Variants in RNF150 observed in about 807,000 individuals in gnomAD.
RNF150 encodes the protein ring finger protein 150.
RNF150 carries 24 observed loss-of-function variants against 39.3 expected under a neutral mutation model. That is an observed-to-expected ratio of 0.61 (90% CI 0.44 to 0.86). The LOEUF (loss-of-function observed/expected upper bound fraction) is 0.86, where lower values mean the gene tolerates loss of function less well. Among genes scored for constraint, RNF150 ranks in the 40% least tolerant of loss-of-function variants. RNF150 has a pLI of 0.00. For missense variants in RNF150, 502 were observed against 587.8 expected (o/e 0.85, Z 1.51); for synonymous variants, 255 against 227.3 (o/e 1.12, Z -1.10).
rs1403130897 is a variant in RNF150, at chr4:141,166,975, A to G, written c.-6+45819T>C. Among the ~76,000 whole-genome samples the G allele has an allele frequency of 2.0e-5, 3 of 152,214 alleles. No homozygotes were observed. In the East Asian group the frequency reaches 5.8e-4, roughly 29 times the overall value. On this transcript the variant is annotated intron_variant, in intron 1 of 7. Coordinates refer to the RNF150 transcript ENST00000420921. ...CAGGCAAGAGAAAGAAACAAAGGGT[A>G]TTCAAATAGGAAGAGAGGAAGTCAA...
At chr4:140,873,109 T>C (rs996126574) in intron 6 of RNF150, among the ~76,000 whole-genome samples, 2 of 152,232 alleles carry the variant, frequency 1.3e-5, no homozygotes, top group Admixed American at 1.3e-4. Context: ...TGTTTTGTTT[T>C]GTTTCAAATG....
intron 1 of RNF150, among the ~76,000 whole-genome samples, chr4:141,066,732 TAATATA>T (rs1737476552): frequency 2.0e-5 from 3 of 152,306 alleles, no homozygotes; most frequent in African/African-American, 7.2e-5. Flanking sequence ...TGACGTAAAT[TAATATA>T]AAGTCTGAAT....
intron 1 of RNF150, among the ~76,000 whole-genome samples, chr4:141,167,161 G>A (rs1727619623): frequency 1.3e-5 from 2 of 152,078 alleles, no homozygotes; most frequent in South Asian, 4.1e-4. Flanking sequence ...TAGACAAGCA[G>A]AGAGCCAAAT....
intron 4 of RNF150, among the ~76,000 whole-genome samples, chr4:140,939,351 A>T (rs1174066755): frequency 3.9e-5 from 6 of 152,208 alleles, no homozygotes; most frequent in Admixed American, 2.6e-4. Context: ...GCAAATTTTT[A>T]AAAAAGTAAA....
intron 1 of RNF150, among the ~76,000 whole-genome samples, chr4:141,089,663 G>A (rs1018975058): frequency 3.3e-5 from 5 of 152,132 alleles, no homozygotes; most frequent in East Asian, 1.9e-4. Context: ...CCTTGTAATC[G>A]TGTGAAGGTA....
At position 140,921,928 on chromosome 4, in the gene RNF150, C is replaced by T. The variant is rs1430108686; in HGVS notation, c.987+4049G>A. ...TGACAAAATTCAACAACGCTTCATG[C>T]TAAAAACTCTCAATAAATTAGGTAT... On this transcript the variant is annotated intron_variant, in intron 5 of 6. Transcript: ENST00000515673. Among the ~76,000 whole-genome samples, 6 of 151,746 alleles carry T rather than the reference C, an allele frequency of 4.0e-5. No homozygotes were observed. In the South Asian group the frequency reaches 1.3e-3, roughly 32 times the overall value.
At chr4:141,036,265 T>C (rs1030686845) in intron 1 of RNF150, among the ~76,000 whole-genome samples, 4 of 152,150 alleles carry the variant, frequency 2.6e-5, no homozygotes, top group South Asian at 2.1e-4. Context: ...GGGCCTATAA[T>C]AGGTACTTAA....
At chr4:141,140,241 A>G (rs1156555756) in intron 1 of RNF150, among the ~76,000 whole-genome samples, 2 of 152,198 alleles carry the variant, frequency 1.3e-5, no homozygotes, top group African/African-American at 4.8e-5. Context: ...AAATTTCAGA[A>G]CAATAGGATA....
intron 1 of RNF150, among the ~76,000 whole-genome samples, chr4:141,184,887 G>A (rs1727973671): frequency 6.6e-6 from 1 of 151,582 alleles, no homozygotes; most frequent in African/African-American, 2.4e-5. Flanking sequence ...GTGTGTGTGT[G>A]TGTGTGAGTT....
chr4:141,161,254 C>A (rs1184876561), intron 1 of RNF150, among the ~76,000 whole-genome samples: 1 of 152,006 alleles, frequency 6.6e-6, no homozygotes, highest in African/African-American at 2.4e-5. Context: ...TTGACTGTAC[C>A]CCTGCCCTAG....
intron 1 of RNF150, among the ~76,000 whole-genome samples, chr4:141,055,730 T>G (rs542158079): frequency 1.9e-4 from 29 of 152,166 alleles, no homozygotes; most frequent in African/African-American, 4.1e-4. Flanking sequence ...GTACATTTAA[T>G]GAGAGTCCTA....
chr4:141,114,461 C>T (rs551577644), intron 1 of RNF150, among the ~76,000 whole-genome samples: 5 of 152,094 alleles, frequency 3.3e-5, no homozygotes, highest in African/African-American at 9.6e-5. Flanking sequence ...AGGAAGAAGT[C>T]AAATCCCTGA....
intron 5 of RNF150, among the ~76,000 whole-genome samples, chr4:140,924,460 G>A (rs563891667): frequency 3.3e-5 from 5 of 152,282 alleles, no homozygotes; most frequent in Admixed American, 1.3e-4. Flanking sequence ...GAGAGCAGTG[G>A]GATTGGCACT....
At position 140,862,925 on chromosome 4, in the gene RNF150, G is replaced by C. The variant is rs1205642568; in HGVS notation, c.*5336C>G. The C allele has an allele frequency of 6.6e-6, 1 of 151,736 alleles. No individual in the cohort carries two copies. Among genetic ancestry groups the C allele is most frequent in the Non-Finnish European group, 1.5e-5 (1 of 68,010 alleles). The allele number at this position is 151,736 out of a possible 1,614,324, so 9.4% of individuals were successfully genotyped here. ...CTGCCATCCTCTTTTCTTACTTCCT[G>C]CAGGGTGACACTCCCATCCCATTTT... On this transcript the variant is annotated 3_prime_UTR_variant, in exon 7 of 7. Transcript: ENST00000515673.
intron 1 of RNF150, among the ~76,000 whole-genome samples, chr4:141,102,655 C>T (rs952790174): frequency 3.3e-5 from 5 of 152,282 alleles, no homozygotes; most frequent in African/African-American, 1.2e-4. Context: ...CCATGATTAT[C>T]GCAACAGATG....
intron 5 of RNF150, among the ~76,000 whole-genome samples, chr4:140,920,895 G>A (rs1171611441): frequency 6.6e-6 from 1 of 151,706 alleles, no homozygotes; most frequent in Non-Finnish European, 1.5e-5. Context: ...TAGGGACATG[G>A]ATGAAATTGG....
At chr4:141,068,156 G>T (rs1387070920) in intron 1 of RNF150, among the ~76,000 whole-genome samples, 1 of 152,112 alleles carries the variant, frequency 6.6e-6, no homozygotes, top group Non-Finnish European at 1.5e-5. Context: ...TGTGGGACAG[G>T]CTGCTCTTGA....
chr4:140,967,506 T>C, intron 2 of RNF150, 117 bp downstream of exon 2: 1 of 707,504 alleles, frequency 1.4e-6, no homozygotes, highest in Admixed American at 2.9e-5. Flanking sequence ...ATGTTAACAG[T>C]GTTTATCTTG....
intron 1 of RNF150, among the ~76,000 whole-genome samples, chr4:141,065,884 A>C (rs550332043): frequency 6.6e-5 from 10 of 152,046 alleles, no homozygotes; most frequent in African/African-American, 2.4e-4. Flanking sequence ...TGGAATCAGC[A>C]TATCTATCTC....
Sources: gnomAD v4.1 joint callset for allele counts (sites outside exome capture counted in the v4.1 genomes callset) on GRCh38, gnomAD v4.1.1 for gene constraint, MANE v1.5 for transcripts, NCBI Gene and HGNC (gene_info 2026-07-23, HGNC 2026-07-21) for gene names.